The following CNST variants were observed in gnomAD, a reference collection of about 807,000 sequenced individuals.
CNST encodes consortin.
CNST carries 39 observed loss-of-function variants against 72.4 expected under a neutral mutation model. The observed-to-expected ratio is 0.54, with a 90% CI of 0.42 to 0.70. The LOEUF (loss-of-function observed/expected upper bound fraction) is 0.70, where lower values mean the gene tolerates loss of function less well. CNST is among the 30% of genes least tolerant of loss of function. The probability of loss-of-function intolerance (pLI) is 0.00; values close to 1 mark genes in which losing one functional copy is unlikely to be tolerated. For missense variants in CNST, 871 were observed against 868.5 expected (o/e 1.00, Z -0.04); for synonymous variants, 332 against 320.1 (o/e 1.04, Z -0.40).
In CNST at chr1:246,648,940, G is replaced by C. The variant is rs180927415; in HGVS notation, c.1836+903G>C. Among the ~76,000 whole-genome samples, 192 of 152,302 alleles carry C rather than the reference G, an allele frequency of 1.3e-3. 3 individuals are homozygous for C. Among genetic ancestry groups the C allele is most frequent in the Middle Eastern group, 0.01 (3 of 294 alleles). On this transcript the variant is annotated intron_variant, in intron 9 of 10. Transcript: ENST00000366513. ...AGACAGTAAAATATATGTGAAAACAGAAGACTGAAAAGCTGTCTAAGGTAA... is the reference window on the plus strand; with the variant it reads ...AGACAGTAAAATATATGTGAAAACACAAGACTGAAAAGCTGTCTAAGGTAA...
chr1:246,626,205 G>A (rs1263830699), intron 3 of CNST, among the ~76,000 whole-genome samples: 9 of 151,666 alleles, frequency 5.9e-5, no homozygotes, highest in African/African-American at 1.7e-4. Context: ...GCATGCCACC[G>A]TGCCCAGCTA....
At chr1:246,615,335 C>T (rs910526196) in intron 2 of CNST, among the ~76,000 whole-genome samples, 1 of 152,144 alleles carries the variant, frequency 6.6e-6, no homozygotes, top group Non-Finnish European at 1.5e-5. Context: ...GCCACCAGGC[C>T]CGGCTAATTT....
chr1:246,584,047 C>T (rs1003008672), intron 1 of CNST, among the ~76,000 whole-genome samples: 37 of 152,182 alleles, frequency 2.4e-4, no homozygotes, highest in African/African-American at 8.4e-4. Context: ...TTTAAGCAGT[C>T]CTCCTGCCGC....
intron 2 of CNST, among the ~76,000 whole-genome samples, chr1:246,599,183 A>G (rs945948298): frequency 6.6e-6 from 1 of 152,136 alleles, no homozygotes; most frequent in Admixed American, 6.5e-5. Flanking sequence ...TAGGAAAAAA[A>G]AAAAAAAGCC....
At chr1:246,642,126 G>C (rs1427824316) in intron 8 of CNST, 89 bp downstream of exon 8, 1 of 423,594 alleles carries the variant, frequency 2.4e-6, no homozygotes, top group African/African-American at 4.8e-5. Flanking sequence ...TTGCTGCAAA[G>C]GATCTGGTTT....
At chr1:246,580,539 C>T (rs1445395664) in intron 1 of CNST, among the ~76,000 whole-genome samples, 1 of 152,008 alleles carries the variant, frequency 6.6e-6, no homozygotes, top group South Asian at 2.1e-4. Flanking sequence ...AATTTTCAGA[C>T]GTTTCTTTCT....
chr1:246,602,887 T>C (rs1662399895), intron 2 of CNST, among the ~76,000 whole-genome samples: 1 of 94,600 alleles, frequency 1.1e-5, no homozygotes, highest in Admixed American at 1.5e-4. Context: ...GATAGTTTTC[T>C]TTTTGTCTAG....
chr1:246,598,234 T>TCCAC (rs1662020557), intron 2 of CNST, among the ~76,000 whole-genome samples: 1 of 151,452 alleles, frequency 6.6e-6, no homozygotes, highest in East Asian at 1.9e-4. Flanking sequence ...ATCCACCAGC[T>TCCAC]TTGGCCCCCT....
chr1:246,628,237 C>T (rs1203436774), intron 3 of CNST, among the ~76,000 whole-genome samples: 2 of 152,114 alleles, frequency 1.3e-5, no homozygotes, highest in African/African-American at 4.8e-5. Context: ...TTTGGCAACA[C>T]CCTCACAGAC....
chr1:246,608,997 G>A (rs1434760300), intron 2 of CNST, among the ~76,000 whole-genome samples: 2 of 152,184 alleles, frequency 1.3e-5, no homozygotes, highest in African/African-American at 4.8e-5. Context: ...GGTTAACAGG[G>A]CAGCTGGACT....
intron 1 of CNST, among the ~76,000 whole-genome samples, chr1:246,576,257 A>AGT (rs1660423525): frequency 9.6e-6 from 1 of 104,324 alleles, no homozygotes; most frequent in Admixed American, 1.1e-4. Context: ...AAAAAAAGAA[A>AGT]CAAAGATTTC....
At chr1:246,570,878 G>A (rs1263973995) in intron 1 of CNST, among the ~76,000 whole-genome samples, 1 of 152,104 alleles carries the variant, frequency 6.6e-6, no homozygotes, top group Non-Finnish European at 1.5e-5. Flanking sequence ...GTTTAACTGG[G>A]CTTTAAAAGC....
At chr1:246,573,065 A>AT (rs1386002961) in intron 1 of CNST, among the ~76,000 whole-genome samples, 1 of 152,262 alleles carries the variant, frequency 6.6e-6, no homozygotes, top group Non-Finnish European at 1.5e-5. Context: ...TGTGAAATGT[A>AT]GTTTCCTGGA....
At chr1:246,643,921 A>G (rs1013898152) in intron 8 of CNST, among the ~76,000 whole-genome samples, 1 of 152,184 alleles carries the variant, frequency 6.6e-6, no homozygotes, top group Non-Finnish European at 1.5e-5. Context: ...GCTATTTTGT[A>G]AATAATACAT....
At chr1:246,596,912 G>A (rs971937948) in intron 2 of CNST, among the ~76,000 whole-genome samples, 1 of 152,070 alleles carries the variant, frequency 6.6e-6, no homozygotes, top group Non-Finnish European at 1.5e-5. Context: ...GTTCCTTTTT[G>A]TGGTCAGATA....
intron 1 of CNST, among the ~76,000 whole-genome samples, chr1:246,581,154 T>C (rs1329310200): frequency 6.6e-6 from 1 of 152,270 alleles, no homozygotes; most frequent in Non-Finnish European, 1.5e-5. Context: ...TGTCCTGTAT[T>C]TTCATTGCAA....
At chr1:246,646,729 C>T (rs1436602978) in intron 8 of CNST, among the ~76,000 whole-genome samples, 1 of 152,234 alleles carries the variant, frequency 6.6e-6, no homozygotes. Context: ...ATCCGCCCAC[C>T]TCGGCCTCCC....
At chr1:246,608,564 G>A (rs1663082736) in intron 2 of CNST, among the ~76,000 whole-genome samples, 1 of 152,216 alleles carries the variant, frequency 6.6e-6, no homozygotes, top group Non-Finnish European at 1.5e-5. Flanking sequence ...ATTGTGCCTT[G>A]ATTAGAAAGC....
chr1:246,668,462 T>C lies in CNST; in HGVS notation c.*2557T>C, dbSNP rs1667470148. 6.6e-6 allele frequency: 1 copy of C among 152,206 alleles called. No individual in the cohort carries two copies. Among genetic ancestry groups the C allele is most frequent in the African/African-American group, 2.4e-5 (1 of 41,450 alleles). The allele number at this position is 152,206 out of a possible 1,614,324, so 9.4% of individuals were successfully genotyped here. Reference sequence around the variant, plus strand: ...AGACAGTCATCTACTTTGGGAAGACTAATAGGTCCTTAGGTAACGGCTCTT... The same window carrying C: ...AGACAGTCATCTACTTTGGGAAGACCAATAGGTCCTTAGGTAACGGCTCTT... On this transcript the variant is annotated 3_prime_UTR_variant, in exon 11 of 11. Transcript: ENST00000366513.
Sources: allele counts gnomAD v4.1 joint callset (sites outside exome capture counted in the v4.1 genomes callset), GRCh38; gene constraint gnomAD v4.1.1; transcripts MANE v1.5; gene names NCBI Gene and HGNC (gene_info 2026-07-23, HGNC 2026-07-21).